AMDHD1: variants seen among roughly 807,000 people sequenced by gnomAD.
AMDHD1 encodes the protein probable imidazolonepropionase.
AMDHD1 carries 45 observed loss-of-function variants against 44.1 expected under a neutral mutation model. That is an observed-to-expected ratio of 1.02 (90% CI 0.80 to 1.31). The LOEUF (loss-of-function observed/expected upper bound fraction) is 1.31, where lower values mean the gene tolerates loss of function less well. AMDHD1 is among the 50% of genes most tolerant of loss of function. AMDHD1 has a pLI of 0.00. For missense variants in AMDHD1, 586 were observed against 552.1 expected (o/e 1.06, Z -0.61); for synonymous variants, 206 against 205.0 (o/e 1.00, Z -0.04).
At chr12:95,954,413 G>A (rs4762255) in intron 2 of AMDHD1, among the ~76,000 whole-genome samples, 62,327 of 151,362 alleles carry the variant, frequency 0.41, 14,103 homozygotes, top group African/African-American at 0.58. Flanking sequence ...GGGCAACATG[G>A]CAAATTTTAG....
At chr12:95,952,642 C>T (rs1160795208) in intron 1 of AMDHD1, 75 bp from the exon 2 acceptor site, 1 of 942,766 alleles carries the variant, frequency 1.1e-6, no homozygotes. Context: ...AATCTGAAAA[C>T]ATATTTTAAG....
intron 3 of AMDHD1, 185 bp from the exon 4 acceptor site, chr12:95,956,500 T>C: frequency 1.3e-6 from 1 of 749,756 alleles, no homozygotes; most frequent in Non-Finnish European, 2.1e-6. Flanking sequence ...CTCCCCACAA[T>C]CCAGTGTCTG....
intron 1 of AMDHD1, among the ~76,000 whole-genome samples, chr12:95,943,911 TC>T (rs1463975595): frequency 6.6e-6 from 1 of 151,976 alleles, no homozygotes; most frequent in African/African-American, 2.4e-5. Flanking sequence ...TCCACCTGCG[TC>T]CCCCACTCCC....
intron 4 of AMDHD1, among the ~76,000 whole-genome samples, chr12:95,957,434 T>C (rs552257831): frequency 6.6e-6 from 1 of 152,258 alleles, no homozygotes; most frequent in Admixed American, 6.5e-5. Flanking sequence ...TTTTTAGCCT[T>C]CCCCTTTATC....
At chr12:95,947,573 T>G (rs1233902442) in intron 1 of AMDHD1, 6 of 47,710 alleles carry the variant, frequency 1.3e-4, no homozygotes, top group East Asian at 3.6e-3. Context: ...GGGAGGGAGG[T>G]GGGGGGTCAG....
Position 95,947,651 on chromosome 12 carries a change from C to T in AMDHD1, c.137+4116C>T, listed in dbSNP as rs1334338862. Among the ~76,000 whole-genome samples the T allele has an allele frequency of 4.7e-5, 3 of 64,218 alleles. 1 individual carries two copies. Among genetic ancestry groups the T allele is most frequent in the African/African-American group, 8.8e-5 (1 of 11,344 alleles). The allele number at this position is 64,218 out of a possible 152,430, so 42.1% of individuals were successfully genotyped here. ...GGGGTCAGCCCCCCGCCCGGCCAGC[C>T]GCCCCGTCCGGGAGGTGAGGGGCGC... On this transcript the variant is annotated intron_variant, in intron 1 of 8. Coordinates refer to ENST00000266736, the MANE Select transcript of AMDHD1 (RefSeq NM_152435.3).
At chr12:95,952,643 A>G in intron 1 of AMDHD1, 74 bp from the exon 2 acceptor site, 1 of 952,878 alleles carries the variant, frequency 1.0e-6, no homozygotes, top group Admixed American at 1.9e-5. Context: ...ATCTGAAAAC[A>G]TATTTTAAGT....
In AMDHD1 at chr12:95,964,928, C is replaced by CAAAAAAAAAAAAAAAAAAAAAAAA. The variant is rs60076877; in HGVS notation, c.939-735_939-734insAAAAAAAAAAAAAAAAAAAAAAAA. Reference sequence around the variant, plus strand: ...AAAGGACCTACAGAGATGTTTGAGGCAAAAAAAAAAAAAAAAAAAAAAAGA... The same window carrying CAAAAAAAAAAAAAAAAAAAAAAAA: ...AAAGGACCTACAGAGATGTTTGAGGCAAAAAAAAAAAAAAAAAAAAAAAAAAAAAAAAAAAAAAAAAAAAAAAGA... On this transcript the variant is annotated intron_variant, in intron 6 of 8. Transcript: ENST00000266736. 1.4e-4 allele frequency among the ~76,000 whole-genome samples: 5 copies of CAAAAAAAAAAAAAAAAAAAAAAAA among 35,830 alleles called. 1 individual carries two copies. The highest frequency in any genetic ancestry group is 5.4e-4 in the African/African-American group (4 of 7,358). 23.5% of individuals were successfully genotyped at this position (35,830 alleles called of 152,430 possible).
chr12:95,955,870 A>G (rs2080546788), intron 3 of AMDHD1, among the ~76,000 whole-genome samples: 2 of 152,182 alleles, frequency 1.3e-5, no homozygotes, highest in African/African-American at 4.8e-5. Context: ...TTGAGTGACA[A>G]AGATCAAGCT....
At chr12:95,962,009 T>C (rs2080584425) in intron 5 of AMDHD1, among the ~76,000 whole-genome samples, 1 of 152,224 alleles carries the variant, frequency 6.6e-6, no homozygotes. Flanking sequence ...GGCTCACGCC[T>C]GTAATCCTAG....
Position 95,966,446 on chromosome 12 carries a change from TCA to T in AMDHD1, c.1139_1140del (p.His380ArgfsTer31). The T allele has an allele frequency of 6.2e-7, 1 of 1,614,244 alleles. No homozygotes were observed. Among genetic ancestry groups the T allele is most frequent in the South Asian group, 1.1e-5 (1 of 91,088 alleles). On this transcript the variant is annotated frameshift_variant, in exon 8 of 9. Coordinates refer to ENST00000266736, the MANE Select transcript of AMDHD1 (RefSeq NM_152435.3). LOFTEE classifies it high-confidence loss of function. ...ATGCAGCTTATGCACTGGGAAAGTC[TCA>T]CACACACGGATCGTTGGAAGTTGGC... ...INAAYALGKSHTHGSLEVGKQ... is the reference protein window; with the variant it reads ...INAAYALGKSXTHGSLEVGKQ...
chr12:95,959,073 A>T (rs1250834552), intron 4 of AMDHD1, among the ~76,000 whole-genome samples: 1 of 151,894 alleles, frequency 6.6e-6, no homozygotes, highest in African/African-American at 2.4e-5. Context: ...AAGAAAAAAA[A>T]AAGAAAAGAA....
intron 1 of AMDHD1, among the ~76,000 whole-genome samples, chr12:95,944,871 C>G (rs891909180): frequency 3.3e-5 from 5 of 152,150 alleles, no homozygotes; most frequent in African/African-American, 1.2e-4. Flanking sequence ...CAGTGACTCA[C>G]GCCTGCAATC....
chr12:95,966,377 C>G lies in AMDHD1; in HGVS notation c.1062C>G (p.Asn354Lys), dbSNP rs79312289. The G allele has an allele frequency of 4.3e-4, 694 of 1,614,232 alleles. 2 individuals are homozygous for G. The African/African-American group carries it at 8.8e-3, about 20-fold the overall frequency. The change falls in exon 8 of 9, where the codon AAC becomes AAG. Residue 354 changes from asparagine to lysine, a missense_variant. Asn to Lys is a moderately conservative substitution (Grantham distance 94). Transcript: ENST00000266736. ...TGGTCATGCATCTGGCCTGTGTAAA[C>G]ATGAGAATGTCCATGCCTGAGGCCT... ...MPMVMHLACV[N>K]MRMSMPEALA... is the part of the protein sequence containing the mutation.
Position 95,967,736 on chromosome 12 carries a change from GTT to G in AMDHD1, c.1194-6_1194-5del, listed in dbSNP as rs55989254. The G allele has an allele frequency of 2.0e-3, 2,494 of 1,254,248 alleles. No individual in the cohort carries two copies. The highest frequency in any genetic ancestry group is 2.2e-3 in the Non-Finnish European group (2,017 of 932,472). The allele number at this position is 1,254,248 out of a possible 1,614,324, so 77.7% of individuals were successfully genotyped here. A position where few individuals can be genotyped will look rare whatever the true frequency, so the allele number is the denominator to read the frequency against. ...TGCACACATTGAAGTAATATTTGTT[GTT>G]TTTTTTTTTTTTTCTAGATGGGAGC... On this transcript the variant is annotated intron_variant, in intron 8 of 8. Transcript: ENST00000266736.
intron 8 of AMDHD1, among the ~76,000 whole-genome samples, chr12:95,967,029 C>T (rs1174508505): frequency 9.9e-5 from 15 of 152,194 alleles, no homozygotes; most frequent in Non-Finnish European, 7.3e-5. Context: ...CATACCGAGA[C>T]TGGGTAATTT....
At chr12:95,944,465 G>T (rs545399001) in intron 1 of AMDHD1, among the ~76,000 whole-genome samples, 5 of 152,050 alleles carry the variant, frequency 3.3e-5, no homozygotes, top group African/African-American at 1.2e-4. Context: ...GCAGTGGCAT[G>T]ATCTTGGCTC....
chr12:95,952,801 C>T lies in AMDHD1; in HGVS notation c.222C>T (p.Cys74=). Residue 74 remains cysteine, a synonymous_variant, in exon 2 of 9, where the codon TGC becomes TGT. Coordinates refer to ENST00000266736, the MANE Select transcript of AMDHD1 (RefSeq NM_152435.3). ...SGETFEEIID[C]SGKCILPGLV... ...AAACTTTTGAAGAAATAATTGACTG[C>T]TCTGGGAAATGTATTCTACCAGGTA... The T allele has an allele frequency of 1.2e-6, 2 of 1,609,556 alleles. No individual in the cohort carries two copies. The highest frequency in any genetic ancestry group is 1.7e-6 in the Non-Finnish European group (2 of 1,176,158).
Position 95,960,409 on chromosome 12 carries a change from CT to C in AMDHD1, c.600del (p.Thr201LeufsTer15), listed in dbSNP as rs2080574832. 1.2e-6 allele frequency: 2 copies of C among 1,613,768 alleles called. No individual in the cohort carries two copies. Among genetic ancestry groups the C allele is most frequent in the Non-Finnish European group, 1.7e-6 (2 of 1,179,966 alleles). On this transcript the variant is annotated frameshift_variant, in exon 5 of 9. Coordinates refer to ENST00000266736, the MANE Select transcript of AMDHD1 (RefSeq NM_152435.3). LOFTEE classifies it high-confidence loss of function. Reference protein sequence around the residue: ...GAHSVPKGKTATEAADDIINN... With the variant: ...GAHSVPKGKTXTEAADDIINN... ...ATTTTCTTCCCCAGAGGAAAAACTG[CT>C]ACTGAAGCTGCTGATGACATCATCA...
Sources: gnomAD v4.1 joint callset for allele counts (sites outside exome capture counted in the v4.1 genomes callset) on GRCh38, gnomAD v4.1.1 for gene constraint, MANE v1.5 for transcripts, NCBI Gene and HGNC (gene_info 2026-07-23, HGNC 2026-07-21) for gene names.